Variants in RSRC1 observed in about 807,000 individuals in gnomAD.
The protein encoded by RSRC1 is serine/Arginine-related protein 53.
In RSRC1, 39 loss-of-function variants were observed where a neutral mutation model predicts 49.1. The observed-to-expected ratio is 0.79, with a 90% CI of 0.61 to 1.04. The LOEUF (loss-of-function observed/expected upper bound fraction) is 1.04. Ranked by LOEUF, RSRC1 falls within the 50% of genes least tolerant of loss-of-function variation. The pLI is 0.00. For synonymous variants in RSRC1, 143 were observed against 130.8 expected (o/e 1.09, Z -0.63); for missense variants, 388 against 402.4 (o/e 0.96, Z 0.31).
intron 4 of RSRC1, among the ~76,000 whole-genome samples, chr3:158,278,046 G>A (rs941606581): frequency 1.3e-5 from 2 of 152,142 alleles, no homozygotes; most frequent in African/African-American, 4.8e-5. Flanking sequence ...TTTCAGTATT[G>A]ATCCCTAATG....
At chr3:158,341,848 T>C (rs1730262138) in intron 5 of RSRC1, among the ~76,000 whole-genome samples, 2 of 151,976 alleles carry the variant, frequency 1.3e-5, no homozygotes, top group African/African-American at 4.8e-5. Context: ...AGTCACGGGG[T>C]GGAGCTGCCC....
intron 7 of RSRC1, among the ~76,000 whole-genome samples, chr3:158,514,635 G>C (rs897432817): frequency 6.6e-6 from 1 of 152,010 alleles, no homozygotes; most frequent in Admixed American, 6.6e-5. Flanking sequence ...TATTATGTCC[G>C]CTTGGTGCAG....
At chr3:158,174,004 A>G (rs563533682) in intron 3 of RSRC1, among the ~76,000 whole-genome samples, 9 of 152,034 alleles carry the variant, frequency 5.9e-5, no homozygotes, top group Middle Eastern at 3.4e-3. Context: ...GGTGAAGAAA[A>G]TGCTCGCAAG....
chr3:158,326,690 C>CT (rs1011510959), intron 5 of RSRC1, among the ~76,000 whole-genome samples: 5 of 152,008 alleles, frequency 3.3e-5, no homozygotes, highest in Admixed American at 3.3e-4. Context: ...TTTAAATTCT[C>CT]TTTTTTTGTT....
chr3:158,370,792 A>G (rs1732026025), intron 6 of RSRC1, among the ~76,000 whole-genome samples: 1 of 151,864 alleles, frequency 6.6e-6, no homozygotes, highest in South Asian at 2.1e-4. Flanking sequence ...AAGGAAGAAG[A>G]ATGGAGTTGG....
At chr3:158,302,006 T>G (rs1305782110) in intron 5 of RSRC1, among the ~76,000 whole-genome samples, 3 of 151,106 alleles carry the variant, frequency 2.0e-5, no homozygotes, top group Admixed American at 2.0e-4. Flanking sequence ...TTTTTTTTGT[T>G]GTTGTTAAAC....
chr3:158,425,112 CT>C (rs1423171260), intron 6 of RSRC1, among the ~76,000 whole-genome samples: 1 of 151,256 alleles, frequency 6.6e-6, no homozygotes, highest in Non-Finnish European at 1.5e-5. Context: ...TATTTCTTGC[CT>C]TCTGCTAGCT....
chr3:158,362,680 A>G (rs1435535745), intron 6 of RSRC1, among the ~76,000 whole-genome samples: 1 of 152,196 alleles, frequency 6.6e-6, no homozygotes, highest in Non-Finnish European at 1.5e-5. Context: ...TGGAGGGAAA[A>G]CAGGAAGTTT....
At chr3:158,119,030 T>C (rs1227746821) in intron 1 of RSRC1, among the ~76,000 whole-genome samples, 2 of 152,248 alleles carry the variant, frequency 1.3e-5, no homozygotes, top group Non-Finnish European at 2.9e-5. Flanking sequence ...TTTTTTACTG[T>C]GTCCTTGGAC....
chr3:158,148,512 C>T (rs1319064538), intron 3 of RSRC1, among the ~76,000 whole-genome samples: 1 of 151,936 alleles, frequency 6.6e-6, no homozygotes, highest in Non-Finnish European at 1.5e-5. Context: ...GACTTAGAAC[C>T]ATGTATTTTG....
chr3:158,531,188 T>C (rs1576611612), intron 7 of RSRC1, among the ~76,000 whole-genome samples: 1 of 151,650 alleles, frequency 6.6e-6, no homozygotes. Context: ...AGAAGAGATT[T>C]GCAAGGCAGC....
intron 6 of RSRC1, among the ~76,000 whole-genome samples, chr3:158,375,724 T>G (rs1732321561): frequency 6.6e-6 from 1 of 152,208 alleles, no homozygotes; most frequent in South Asian, 2.1e-4. Context: ...ATTGCATATT[T>G]TGCCTAAGCC....
intron 3 of RSRC1, among the ~76,000 whole-genome samples, chr3:158,199,692 A>C (rs1720914361): frequency 6.6e-6 from 1 of 152,078 alleles, no homozygotes; most frequent in Admixed American, 6.5e-5. Context: ...GCATCCCACA[A>C]ATTCTCATAT....
chr3:158,241,626 C>A (rs1484638549), intron 4 of RSRC1, among the ~76,000 whole-genome samples: 2 of 151,666 alleles, frequency 1.3e-5, no homozygotes, highest in Non-Finnish European at 2.9e-5. Context: ...AGAGAATAAG[C>A]AAAGCAGTTA....
intron 8 of RSRC1, among the ~76,000 whole-genome samples, chr3:158,541,357 AC>A (rs1435008085): frequency 6.6e-6 from 1 of 152,182 alleles, no homozygotes; most frequent in Non-Finnish European, 1.5e-5. Flanking sequence ...TATAGCACAT[AC>A]TACAATTTGT....
intron 6 of RSRC1, among the ~76,000 whole-genome samples, chr3:158,421,438 T>C (rs916506091): frequency 1.3e-5 from 2 of 151,870 alleles, no homozygotes; most frequent in Admixed American, 6.6e-5. Context: ...AATGAGGTTA[T>C]CACAAAACTA....
chr3:158,243,975 AGG>A, intron 4 of RSRC1, among the ~76,000 whole-genome samples: 1 of 147,268 alleles, frequency 6.8e-6, no homozygotes, highest in Non-Finnish European at 1.5e-5. Flanking sequence ...TTTAATATAC[AGG>A]ATTATGTCAT....
Position 158,399,233 on chromosome 3 carries a change from C to A in RSRC1, c.583+44325C>A, listed in dbSNP as rs1418063378. On this transcript the variant is annotated intron_variant, in intron 6 of 9. Transcript: ENST00000611884. ...GCAGTGGCGGGATCTCGGCTCACTG[C>A]AAGCTCCGCCTCCCGGGTTCACGCC... is the stretch of plus-strand genomic sequence containing the variant. 5.4e-5 allele frequency among the ~76,000 whole-genome samples: 2 copies of A among 37,184 alleles called. 1 individual carries two copies. The highest frequency in any genetic ancestry group is 1.0e-4 in the Non-Finnish European group (2 of 19,212). 24.4% of individuals were successfully genotyped at this position (37,184 alleles called of 152,430 possible). A position where few individuals can be genotyped will look rare whatever the true frequency, so the allele number is the denominator to read the frequency against.
intron 3 of RSRC1, among the ~76,000 whole-genome samples, chr3:158,125,003 A>C (rs1715525018): frequency 6.6e-6 from 1 of 151,948 alleles, no homozygotes; most frequent in South Asian, 2.1e-4. Context: ...TATGTTTTGT[A>C]GAAATCAGTC....
Sources: gnomAD v4.1 joint callset for allele counts (sites outside exome capture counted in the v4.1 genomes callset) on GRCh38, gnomAD v4.1.1 for gene constraint, MANE v1.5 for transcripts, NCBI Gene and HGNC (gene_info 2026-07-23, HGNC 2026-07-21) for gene names.